Variants in C8orf34 observed in about 807,000 individuals in gnomAD.
C8orf34 encodes uncharacterized protein C8orf34.
A neutral mutation model predicts 68.3 loss-of-function variants in C8orf34; 65 were observed. The observed-to-expected ratio is 0.95, with a 90% CI of 0.78 to 1.17. The LOEUF is 1.17. C8orf34 is among the 50% of genes most tolerant of loss of function. The pLI is 0.00. For missense variants in C8orf34, 664 were observed against 655.4 expected (o/e 1.01, Z -0.14); for synonymous variants, 244 against 241.2 (o/e 1.01, Z -0.11).
intron 10 of C8orf34, among the ~76,000 whole-genome samples, chr8:68,766,045 A>G (rs1823162979): frequency 6.6e-6 from 1 of 152,248 alleles, no homozygotes; most frequent in South Asian, 2.1e-4. Flanking sequence ...ACATCTTAAA[A>G]GAAACAAACA....
At chr8:68,807,793 A>T (rs1439049488) in intron 12 of C8orf34, among the ~76,000 whole-genome samples, 1 of 152,226 alleles carries the variant, frequency 6.6e-6, no homozygotes. Flanking sequence ...AGGTGCAGGG[A>T]AACTAACAAT....
In C8orf34 at chr8:68,625,608, G is replaced by C. The variant is rs951524198; in HGVS notation, c.1106-14768G>C. 4 of 701,780 alleles carry C rather than the reference G, an allele frequency of 5.7e-6. No individual in the cohort carries two copies. The African/African-American group carries it at 7.0e-5, about 12-fold the overall frequency. The allele number at this position is 701,780 out of a possible 1,614,324, so 43.5% of individuals were successfully genotyped here. A position where few individuals can be genotyped will look rare whatever the true frequency, so the allele number is the denominator to read the frequency against. On this transcript the variant is annotated intron_variant, in intron 7 of 13. Coordinates refer to ENST00000518698, the MANE Select transcript of C8orf34 (RefSeq NM_052958.4). ...AATGGATTTACAATGTGTCAGACAG[G>C]GAGGCAACATCCTGTGGCATGTGGC...
intron 5 of C8orf34, among the ~76,000 whole-genome samples, chr8:68,513,159 A>T (rs1814352402): frequency 6.6e-6 from 1 of 152,230 alleles, no homozygotes; most frequent in African/African-American, 2.4e-5. Flanking sequence ...ATAACCTTTA[A>T]GGCTGTTTTT....
intron 7 of C8orf34, among the ~76,000 whole-genome samples, chr8:68,588,375 A>G (rs563513656): frequency 6.6e-6 from 1 of 152,186 alleles, no homozygotes; most frequent in South Asian, 2.1e-4. Flanking sequence ...GTGTTGATGC[A>G]TGATTAAAGA....
chr8:68,743,564 C>T (rs900243979), intron 10 of C8orf34, among the ~76,000 whole-genome samples: 4 of 152,222 alleles, frequency 2.6e-5, no homozygotes, highest in Non-Finnish European at 4.4e-5. Flanking sequence ...GGCATTGCCT[C>T]ACTCGGGAAG....
intron 12 of C8orf34, chr8:68,790,950 A>T: frequency 1.5e-6 from 1 of 655,438 alleles, no homozygotes; most frequent in Non-Finnish European, 2.7e-6. Context: ...TTTCTGAATC[A>T]GCTTCATAGT....
chr8:68,398,601 ATATAAG>A (rs1254051871), intron 1 of C8orf34, among the ~76,000 whole-genome samples: 1 of 152,198 alleles, frequency 6.6e-6, no homozygotes, highest in Non-Finnish European at 1.5e-5. Flanking sequence ...CTATGTATTA[ATATAAG>A]TATATCAAAG....
intron 7 of C8orf34, among the ~76,000 whole-genome samples, chr8:68,620,626 T>G (rs1202588136): frequency 1.3e-5 from 2 of 151,802 alleles, no homozygotes; most frequent in African/African-American, 4.8e-5. Flanking sequence ...AAGGAGTCTT[T>G]TTAGGGATTT....
At chr8:68,695,689 G>A (rs1820811242) in intron 8 of C8orf34, 1 of 152,032 alleles carries the variant, frequency 6.6e-6, no homozygotes, top group African/African-American at 2.4e-5. Context: ...ATCTGATCTT[G>A]GAAGCTAAGC....
intron 8 of C8orf34, among the ~76,000 whole-genome samples, chr8:68,692,097 C>A (rs2130909525): frequency 6.6e-6 from 1 of 151,950 alleles, no homozygotes; most frequent in East Asian, 1.9e-4. Flanking sequence ...CGGGGATGAT[C>A]CAGGTTTGTT....
intron 5 of C8orf34, among the ~76,000 whole-genome samples, chr8:68,510,750 G>A (rs1179753443): frequency 6.6e-6 from 1 of 152,124 alleles, no homozygotes; most frequent in African/African-American, 2.4e-5. Context: ...TTGGCCTTTT[G>A]GATTGGCTTT....
intron 2 of C8orf34, among the ~76,000 whole-genome samples, chr8:68,443,383 T>C (rs1028887227): frequency 2.0e-5 from 3 of 152,054 alleles, no homozygotes; most frequent in Non-Finnish European, 4.4e-5. Flanking sequence ...AATTCTTGAT[T>C]TTGGTGAATC....
At chr8:68,495,533 T>G (rs1195758646) in intron 5 of C8orf34, among the ~76,000 whole-genome samples, 1 of 152,192 alleles carries the variant, frequency 6.6e-6, no homozygotes, top group Non-Finnish European at 1.5e-5. Context: ...GTTAATAAAC[T>G]TAGCAGAAGT....
chr8:68,642,015 C>G (rs1457278527), intron 8 of C8orf34, among the ~76,000 whole-genome samples: 1 of 152,198 alleles, frequency 6.6e-6, no homozygotes, highest in African/African-American at 2.4e-5. Context: ...ATTACTATTA[C>G]TATCCCCATT....
chr8:68,430,717 A>G (rs1014852570), intron 1 of C8orf34, among the ~76,000 whole-genome samples: 11 of 152,090 alleles, frequency 7.2e-5, no homozygotes, highest in African/African-American at 2.4e-4. Flanking sequence ...AGGGCATGCT[A>G]TTTCCAGCTT....
chr8:68,644,944 C>CA (rs1399039918), intron 8 of C8orf34, among the ~76,000 whole-genome samples: 15 of 152,308 alleles, frequency 9.8e-5, no homozygotes, highest in Admixed American at 9.2e-4. Context: ...ATTCATAGAG[C>CA]AAAACCATAC....
At chr8:68,377,295 G>T (rs1009354577) in intron 1 of C8orf34, among the ~76,000 whole-genome samples, 3 of 152,152 alleles carry the variant, frequency 2.0e-5, no homozygotes, top group African/African-American at 7.2e-5. Flanking sequence ...CTATTCAGGG[G>T]GCTGAGGAGA....
At chr8:68,667,115 A>G (rs1034077712) in intron 8 of C8orf34, among the ~76,000 whole-genome samples, 2 of 152,168 alleles carry the variant, frequency 1.3e-5, no homozygotes, top group African/African-American at 4.8e-5. Flanking sequence ...TTTTGCAAAT[A>G]AAGAAAATTA....
At chr8:68,338,159 C>T (rs1308895290) in intron 1 of C8orf34, among the ~76,000 whole-genome samples, 1 of 152,154 alleles carries the variant, frequency 6.6e-6, no homozygotes, top group Non-Finnish European at 1.5e-5. Flanking sequence ...ACTTTGTCCT[C>T]ATATGGCAGA....
Sources: allele counts gnomAD v4.1 joint callset (sites outside exome capture counted in the v4.1 genomes callset), GRCh38; gene constraint gnomAD v4.1.1; transcripts MANE v1.5; gene names NCBI Gene and HGNC (gene_info 2026-07-23, HGNC 2026-07-21).